SH3BP4: variants seen among roughly 807,000 people sequenced by gnomAD.
SH3BP4 encodes SH3 domain-binding protein 4.
Under a neutral mutation model 65.5 loss-of-function variants are expected in SH3BP4, and 33 were observed. The ratio of observed to expected loss-of-function variants is 0.50; its 90% CI spans 0.38 to 0.67. The LOEUF (loss-of-function observed/expected upper bound fraction) is 0.67, where lower values mean the gene tolerates loss of function less well. Among genes scored for constraint, SH3BP4 ranks in the 30% least tolerant of loss-of-function variants. The probability of loss-of-function intolerance (pLI) is 0.00; values close to 1 mark genes in which losing one functional copy is unlikely to be tolerated. For synonymous variants in SH3BP4, 552 were observed against 545.5 expected (o/e 1.01, Z -0.17); for missense variants, 1,134 against 1,261.4 (o/e 0.90, Z 1.53).
chr2:234,998,855 G>A (rs894547885), intron 2 of SH3BP4, among the ~76,000 whole-genome samples: 7 of 152,318 alleles, frequency 4.6e-5, no homozygotes, highest in Non-Finnish European at 7.4e-5. Flanking sequence ...TAAGGCCAGC[G>A]TCCTTAATAG....
intron 2 of SH3BP4, among the ~76,000 whole-genome samples, chr2:235,011,608 TC>T (rs1331911259): frequency 1.3e-5 from 2 of 152,222 alleles, no homozygotes; most frequent in Non-Finnish European, 2.9e-5. Context: ...CTTTGTCATT[TC>T]CGTAAACCTG....
intron 2 of SH3BP4, among the ~76,000 whole-genome samples, chr2:235,020,599 C>G (rs1311610630): frequency 6.6e-6 from 1 of 152,154 alleles, no homozygotes; most frequent in African/African-American, 2.4e-5. Context: ...TGACAACATC[C>G]AAACCCAAAT....
At chr2:235,038,462 C>T (rs916886329) in intron 3 of SH3BP4, among the ~76,000 whole-genome samples, 1 of 129,334 alleles carries the variant, frequency 7.7e-6, no homozygotes, top group African/African-American at 2.8e-5. Flanking sequence ...GCTTGGGCCC[C>T]TATAACAAAA....
At chr2:234,964,209 A>G (rs1198043035) in intron 1 of SH3BP4, among the ~76,000 whole-genome samples, 1 of 152,206 alleles carries the variant, frequency 6.6e-6, no homozygotes, top group Non-Finnish European at 1.5e-5. Context: ...GCTTAGAAGC[A>G]GGAAACTGTC....
chr2:234,964,806 G>C (rs781067410), intron 1 of SH3BP4, among the ~76,000 whole-genome samples: 27 of 152,282 alleles, frequency 1.8e-4, no homozygotes, highest in East Asian at 5.8e-4. Context: ...AGGGCACCAA[G>C]AAGACGCGAT....
chr2:235,002,118 C>G (rs994733370), intron 2 of SH3BP4, among the ~76,000 whole-genome samples: 1 of 152,122 alleles, frequency 6.6e-6, no homozygotes, highest in Non-Finnish European at 1.5e-5. Context: ...GCCTCGGCCT[C>G]CCCAGAGTGC....
chr2:235,008,629 C>T (rs1349930278), intron 2 of SH3BP4: 2 of 152,170 alleles, frequency 1.3e-5, no homozygotes, highest in Non-Finnish European at 2.9e-5. Flanking sequence ...CTGGATCACT[C>T]TTGGTGCCCT....
Position 235,035,865 on chromosome 2 carries a change from T to A in SH3BP4, c.118+745T>A, listed in dbSNP as rs572816680. ...TAACCTAGGCCACGTTCAGTCTCTC[T>A]CACATGCTCCTTTGGGGCTTGGCAG... On this transcript the variant is annotated intron_variant, in intron 3 of 5. Coordinates refer to ENST00000392011, the MANE Select transcript of SH3BP4 (RefSeq NM_014521.3). The surrounding 1 kb of genome is among the most constrained non-coding windows in gnomAD (Gnocchi z 5.0). Among the ~76,000 whole-genome samples the A allele has an allele frequency of 6.6e-6, 1 of 152,224 alleles. No individual in the cohort carries two copies. The highest frequency in any genetic ancestry group is 2.4e-5 in the African/African-American group (1 of 41,460).
At position 234,969,635 on chromosome 2, in the gene SH3BP4, TTTTCCACACAGCACACGGAGCC is replaced by T. The variant is rs1692928861; in HGVS notation, c.-207+17467_-207+17488del. On this transcript the variant is annotated intron_variant, in intron 1 of 5. Transcript: ENST00000392011. ...GTGGTTGTACAGAATAAGCCTCCGC[TTTTCCACACAGCACACGGAGCC>T]TGGCAGGCTGGACTTGGAGGGTTTT... 3.3e-5 allele frequency among the ~76,000 whole-genome samples: 5 copies of T among 152,204 alleles called. No homozygotes were observed. The South Asian group carries it at 6.2e-4, about 19-fold the overall frequency.
rs547352018 is a variant in SH3BP4 at position 235,012,409 on chromosome 2, C to T, written c.-133+17033C>T. On this transcript the variant is annotated intron_variant, in intron 2 of 5. Transcript: ENST00000392011. ...CCTGTAACGTTCTATAAATGGGAGC[C>T]GAGGGGACGCCTGAGTTGTCTGCCA... is the stretch of plus-strand genomic sequence containing the variant. Among the ~76,000 whole-genome samples, 7 of 152,316 alleles carry T rather than the reference C, an allele frequency of 4.6e-5. No individual in the cohort carries two copies. The East Asian group carries it at 5.8e-4, about 13-fold the overall frequency.
chr2:235,005,591 C>T (rs1174407016), intron 2 of SH3BP4, among the ~76,000 whole-genome samples: 3 of 152,190 alleles, frequency 2.0e-5, no homozygotes, highest in African/African-American at 7.2e-5. Flanking sequence ...CCTTGAGCCC[C>T]TCAGAGCTGC....
At chr2:234,992,940 A>G (rs112833194) in intron 1 of SH3BP4, among the ~76,000 whole-genome samples, 2 of 134,132 alleles carry the variant, frequency 1.5e-5, no homozygotes, top group African/African-American at 2.8e-5. Context: ...CATTCCTGCC[A>G]TGTGGCTCTG....
intron 1 of SH3BP4, among the ~76,000 whole-genome samples, chr2:234,988,418 A>C (rs10176321): frequency 0.28 from 42,061 of 152,072 alleles, 6,118 homozygotes; most frequent in East Asian, 0.49. Context: ...ATTTCACTTG[A>C]ATTGCCAAGG....
rs529551135 is a variant in SH3BP4 at position 234,978,444 on chromosome 2, G to A, written c.-206-16859G>A. Among the ~76,000 whole-genome samples the A allele has an allele frequency of 5.7e-4, 87 of 152,268 alleles. 1 individual carries two copies. Among genetic ancestry groups the A allele is most frequent in the Admixed American group, 1.8e-3 (27 of 15,300 alleles). On this transcript the variant is annotated intron_variant, in intron 1 of 5. Coordinates refer to ENST00000392011, the MANE Select transcript of SH3BP4 (RefSeq NM_014521.3). The surrounding 1 kb of genome is among the most constrained non-coding windows in gnomAD (Gnocchi z 4.1). ...GCGGGACCAGGTACTCTTTTCCTGC[G>A]CCCCACACTGCCCCAAGGCCCCACT... is the stretch of plus-strand genomic sequence containing the variant.
At chr2:235,012,913 C>G (rs1381921546) in intron 2 of SH3BP4, among the ~76,000 whole-genome samples, 2 of 152,294 alleles carry the variant, frequency 1.3e-5, no homozygotes, top group East Asian at 3.9e-4. Flanking sequence ...GTGCACAGGC[C>G]TCCAGGAGCA....
intron 2 of SH3BP4, among the ~76,000 whole-genome samples, chr2:235,020,907 CAG>C (rs1462604071): frequency 2.0e-5 from 3 of 152,210 alleles, no homozygotes; most frequent in Non-Finnish European, 4.4e-5. Context: ...AGACTCTAGG[CAG>C]AGTGTCCCAC....
chr2:234,967,572 A>G lies in SH3BP4; in HGVS notation c.-207+15402A>G, dbSNP rs1394840826. On this transcript the variant is annotated intron_variant, in intron 1 of 5. Transcript: ENST00000392011. The surrounding 1 kb of genome is among the most constrained non-coding windows in gnomAD (Gnocchi z 4.6). ...GCAGCCTTGCACTTCCCTAAGTGGT[A>G]TTGGAGCTGCGCTCATTGCAATAAG... Among the ~76,000 whole-genome samples, 1 of 152,164 alleles carries G rather than the reference A, an allele frequency of 6.6e-6. No individual in the cohort carries two copies. Among genetic ancestry groups the G allele is most frequent in the East Asian group, 1.9e-4 (1 of 5,184 alleles).
intron 2 of SH3BP4, among the ~76,000 whole-genome samples, chr2:235,029,927 G>A (rs1332850128): frequency 6.6e-6 from 1 of 152,206 alleles, no homozygotes; most frequent in African/African-American, 2.4e-5. Context: ...TGGGCTTCCT[G>A]GAAGCTTGGG....
intron 1 of SH3BP4, among the ~76,000 whole-genome samples, chr2:234,959,653 CTTTTT>C (rs148083180): frequency 4.0e-5 from 5 of 123,814 alleles, no homozygotes; most frequent in Non-Finnish European, 3.5e-5. Flanking sequence ...GAGGATTTGA[CTTTTT>C]TTTTTTTTTT....
Sources: allele counts gnomAD v4.1 joint callset (sites outside exome capture counted in the v4.1 genomes callset), GRCh38; gene constraint gnomAD v4.1.1; non-coding constraint Gnocchi (gnomAD v3.1); transcripts MANE v1.5; gene names NCBI Gene and HGNC (gene_info 2026-07-23, HGNC 2026-07-21).